The following NAV1 variants were observed in gnomAD, a reference collection of about 807,000 sequenced individuals.
NAV1 encodes the protein neuron navigator 1.
A neutral mutation model predicts 175.2 loss-of-function variants in NAV1; 18 were observed. The observed-to-expected ratio is 0.10, with a 90% CI of 0.07 to 0.15. NAV1 has a LOEUF of 0.15. Ranked by LOEUF, NAV1 falls within the 10% of genes least tolerant of loss-of-function variation. The pLI, the probability that NAV1 is intolerant of heterozygous loss-of-function variation, is 1.00. For missense variants in NAV1, 1,731 were observed against 2,436.6 expected (o/e 0.71, Z 6.10); for synonymous variants, 897 against 978.7 (o/e 0.92, Z 1.56).
Position 201,539,863 on chromosome 1 carries a change from C to T in NAV1, c.-144+521C>T, listed in dbSNP as rs910876674. Among the ~76,000 whole-genome samples the T allele has an allele frequency of 2.6e-5, 4 of 152,300 alleles. No individual in the cohort carries two copies. The highest frequency in any genetic ancestry group is 9.6e-5 in the African/African-American group (4 of 41,574). On this transcript the variant is annotated intron_variant, in intron 1 of 33. Transcript: ENST00000685211. The surrounding 1 kb of genome is among the most constrained non-coding windows in gnomAD (Gnocchi z 5.6). ...GCGGGCCGTTCCAGAAAACGTTCCCCGCACCCCCGGGATGCGCCGGGAAGC... is the reference window on the plus strand; with the variant it reads ...GCGGGCCGTTCCAGAAAACGTTCCCTGCACCCCCGGGATGCGCCGGGAAGC...
At chr1:201,814,580 T>G (rs1678903795) in intron 28 of NAV1, among the ~76,000 whole-genome samples, 1 of 152,082 alleles carries the variant, frequency 6.6e-6, no homozygotes, top group Non-Finnish European at 1.5e-5. Context: ...GAGATAGATA[T>G]CTCCTGGTGA....
chr1:201,571,051 G>A (rs1037194865), intron 1 of NAV1, among the ~76,000 whole-genome samples: 2 of 152,226 alleles, frequency 1.3e-5, no homozygotes, highest in Non-Finnish European at 2.9e-5. Context: ...CCTGCCAAGG[G>A]CTGTATCAGC....
intron 1 of NAV1, among the ~76,000 whole-genome samples, chr1:201,556,061 G>A (rs1455767571): frequency 6.6e-6 from 1 of 152,134 alleles, no homozygotes; most frequent in Admixed American, 6.5e-5. Context: ...TCATTCACTA[G>A]ATATTAGCCA....
At chr1:201,698,220 C>T (rs1477625063) in intron 1 of NAV1, among the ~76,000 whole-genome samples, 1 of 152,214 alleles carries the variant, frequency 6.6e-6, no homozygotes, top group Non-Finnish European at 1.5e-5. Context: ...TCAGTGGTCA[C>T]CTCTTCCAGG....
intron 1 of NAV1, among the ~76,000 whole-genome samples, chr1:201,564,190 G>C (rs1034877090): frequency 2.0e-5 from 3 of 152,108 alleles, no homozygotes; most frequent in Admixed American, 6.6e-5. Context: ...AGGCATCCTC[G>C]GCCCTGGCAC....
intron 3 of NAV1, among the ~76,000 whole-genome samples, chr1:201,756,818 TTC>T (rs1157346773): frequency 2.0e-4 from 2 of 9,878 alleles, no homozygotes; most frequent in Non-Finnish European, 6.2e-4. Flanking sequence ...CCTTCTTTCT[TTC>T]TTTCTTTCTT....
intron 1 of NAV1, among the ~76,000 whole-genome samples, chr1:201,682,970 A>G (rs948379959): frequency 2.0e-5 from 3 of 152,160 alleles, no homozygotes; most frequent in African/African-American, 4.8e-5. Context: ...ACTGCAATTA[A>G]TGAACCAATA....
chr1:201,707,946 T>G (rs1469380754), intron 1 of NAV1, among the ~76,000 whole-genome samples: 5 of 152,094 alleles, frequency 3.3e-5, no homozygotes, highest in Non-Finnish European at 7.4e-5. Flanking sequence ...GGCTTTGGAG[T>G]CAAAAAGACT....
At chr1:201,560,912 G>C (rs575586654) in intron 1 of NAV1, among the ~76,000 whole-genome samples, 7 of 152,240 alleles carry the variant, frequency 4.6e-5, no homozygotes, top group Non-Finnish European at 1.0e-4. Flanking sequence ...CAGACAGTGG[G>C]CTCAGGGAAC....
At chr1:201,639,795 G>A (rs1668700406) in intron 2 of NAV1, among the ~76,000 whole-genome samples, 1 of 152,166 alleles carries the variant, frequency 6.6e-6, no homozygotes, top group Non-Finnish European at 1.5e-5. Context: ...CCCAGCTTGG[G>A]GGGCCCCGGC....
At chr1:201,728,001 T>C (rs1558102804) in intron 3 of NAV1, among the ~76,000 whole-genome samples, 1 of 152,014 alleles carries the variant, frequency 6.6e-6, no homozygotes, top group African/African-American at 2.4e-5. Context: ...GGGGCATAGG[T>C]GGGACACAAA....
At chr1:201,724,406 G>T (rs1288554137) in intron 3 of NAV1, 1 of 152,224 alleles carries the variant, frequency 6.6e-6, no homozygotes, top group Non-Finnish European at 1.5e-5. Flanking sequence ...GATGGGAGGA[G>T]GTCAGAGGGC....
chr1:201,549,084 T>TTTCTTTCC (rs1557992088), intron 1 of NAV1, among the ~76,000 whole-genome samples: 2 of 63,030 alleles, frequency 3.2e-5, no homozygotes, highest in African/African-American at 4.5e-5. Flanking sequence ...TTTCTCTTTC[T>TTTCTTTCC]TTCTTTCTTT....
chr1:201,614,803 ACTAG>A (rs937466640), intron 2 of NAV1, among the ~76,000 whole-genome samples: 1 of 152,192 alleles, frequency 6.6e-6, no homozygotes, highest in African/African-American at 2.4e-5. Flanking sequence ...TCTGCCATTT[ACTAG>A]CTGTGTGATC....
intron 3 of NAV1, chr1:201,739,695 G>A (rs1673277569): frequency 9.7e-6 from 9 of 931,612 alleles, no homozygotes; most frequent in Non-Finnish European, 1.2e-5. Flanking sequence ...CCAGGCTTCC[G>A]AGGCCACCGG....
At chr1:201,614,274 C>G (rs557609292) in intron 2 of NAV1, among the ~76,000 whole-genome samples, 3 of 152,242 alleles carry the variant, frequency 2.0e-5, no homozygotes, top group Non-Finnish European at 4.4e-5. Flanking sequence ...TGGGTATATT[C>G]AGTGCATTCC....
chr1:201,649,157 G>A (rs750172078), exon 1 of NAV1: 3 of 1,611,788 alleles, frequency 1.9e-6, no homozygotes, highest in East Asian at 4.5e-5. Context: ...CCCTGGCTCC[G>A]CTCGCGCCCA....
At position 201,787,622 on chromosome 1, in the gene NAV1, A is replaced by G. The variant is rs1212625244; in HGVS notation, c.2996-846A>G. ...TTACCTCAGGAATTTGAAAAGGTCA[A>G]CAGAGAGGTGTGCCATCTTCTTCTG... On this transcript the variant is annotated intron_variant, in intron 9 of 29. Transcript: ENST00000367296. This position sits in a 1 kb window ranked among gnomAD's most constrained non-coding sequence, Gnocchi z 4.3. The G allele has an allele frequency of 4.4e-6, 2 of 455,824 alleles. No homozygotes were observed. Among genetic ancestry groups the G allele is most frequent in the Admixed American group, 4.7e-5 (2 of 42,538 alleles). The allele number at this position is 455,824 out of a possible 1,614,324, so 28.2% of individuals were successfully genotyped here.
Position 201,788,481 on chromosome 1 carries a change from G to A in NAV1, c.3009G>A (p.Ala1003=), listed in dbSNP as rs764360200. Residue 1003 remains alanine (A), a synonymous_variant, in exon 10 of 30, where the codon GCG becomes GCA. Transcript: ENST00000367296. The surrounding 1 kb of genome is among the most constrained non-coding windows in gnomAD (Gnocchi z 5.7). ...CTGTCCTTCCAGTGAGTCCCACTGCGGCCACCACGCCAAGAATCACCCGCT... is the reference window on the plus strand; with the variant it reads ...CTGTCCTTCCAGTGAGTCCCACTGCAGCCACCACGCCAAGAATCACCCGCT... 46 of 1,613,754 alleles carry A rather than the reference G, an allele frequency of 2.9e-5. No homozygotes were observed. The highest frequency in any genetic ancestry group is 3.8e-5 in the Non-Finnish European group (45 of 1,179,966).
Sources: allele counts gnomAD v4.1 joint callset (sites outside exome capture counted in the v4.1 genomes callset), GRCh38; gene constraint gnomAD v4.1.1; non-coding constraint Gnocchi (gnomAD v3.1); transcripts MANE v1.5; gene names NCBI Gene and HGNC (gene_info 2026-07-23, HGNC 2026-07-21).